Variants in SLC20A1 observed in about 807,000 individuals in gnomAD.
SLC20A1 encodes sodium-dependent phosphate transporter 1.
A neutral mutation model predicts 62.7 loss-of-function variants in SLC20A1; 28 were observed. The ratio of observed to expected loss-of-function variants is 0.45; its 90% CI spans 0.33 to 0.61. SLC20A1 has a LOEUF of 0.61. Among genes scored for constraint, SLC20A1 ranks in the 20% least tolerant of loss-of-function variants. The pLI is 0.02. For synonymous variants in SLC20A1, 305 were observed against 302.9 expected (o/e 1.01, Z -0.07); for missense variants, 673 against 838.6 (o/e 0.80, Z 2.44).
rs1686800163 is a variant in SLC20A1, at chr2:112,663,293, A to G, written c.*268A>G. On this transcript the variant is annotated 3_prime_UTR_variant, in exon 11 of 11. Coordinates refer to ENST00000272542, the MANE Select transcript of SLC20A1 (RefSeq NM_005415.5). ...TGTGAATTCCTGTACATATTTCTCT[A>G]CTTTTTGTATCAGGCTTCAATTCCA... 5 of 476,484 alleles carry G rather than the reference A, an allele frequency of 1.0e-5. No individual in the cohort carries two copies. Among genetic ancestry groups the G allele is most frequent in the South Asian group, 5.4e-5 (3 of 55,666 alleles). 29.5% of individuals were successfully genotyped at this position (476,484 alleles called of 1,614,324 possible).
intron 4 of SLC20A1, among the ~76,000 whole-genome samples, chr2:112,649,965 A>G (rs964104824): frequency 6.6e-6 from 1 of 152,194 alleles, no homozygotes; most frequent in African/African-American, 2.4e-5. Flanking sequence ...GGATCTCTAC[A>G]ATGATGAGAC....
chr2:112,653,878 T>C (rs921919790), intron 5 of SLC20A1, among the ~76,000 whole-genome samples: 1 of 152,122 alleles, frequency 6.6e-6, no homozygotes, highest in Non-Finnish European at 1.5e-5. Flanking sequence ...CCACAACCTC[T>C]ACCTCCCGGG....
At position 112,646,861 on chromosome 2, in the gene SLC20A1, T is replaced by C. The variant is rs1322627547; in HGVS notation, c.33T>C (p.Ala11=). 6.2e-7 allele frequency: 1 copy of C among 1,613,398 alleles called. No homozygotes were observed. The highest frequency in any genetic ancestry group is 8.5e-7 in the Non-Finnish European group (1 of 1,179,468). Residue 11 remains alanine, a synonymous_variant, in exon 2 of 11, where the codon GCT becomes GCC. Coordinates refer to ENST00000272542, the MANE Select transcript of SLC20A1 (RefSeq NM_005415.5). MATLITSTTA[A]TAASGPLVDY... ...CGCTGATTACCAGTACTACAGCTGC[T>C]ACCGCCGCTTCTGGTCCTTTGGTGG...
intron 5 of SLC20A1, chr2:112,653,047 A>T: frequency 1.2e-6 from 1 of 823,594 alleles, no homozygotes; most frequent in Non-Finnish European, 1.9e-6. Context: ...GGATCCACTG[A>T]TAATATGATC....
At position 112,659,230 on chromosome 2, in the gene SLC20A1, C is replaced by T. The variant is rs769977611; in HGVS notation, c.1075C>T (p.Leu359Phe). The T allele has an allele frequency of 6.2e-7, 1 of 1,613,996 alleles. No individual in the cohort carries two copies. Among genetic ancestry groups the T allele is most frequent in the East Asian group, 2.2e-5 (1 of 44,878 alleles). ...NGAVQLPNGN[L>F]VQFSQAVSNQ... ...TGCAGTGCAGTTGCCTAATGGGAACCTTGTCCAGTTCAGTCAAGCCGTCAG... is the reference window on the plus strand; with the variant it reads ...TGCAGTGCAGTTGCCTAATGGGAACTTTGTCCAGTTCAGTCAAGCCGTCAG... The change falls in exon 8 of 11, where the codon CTT becomes TTT. Residue 359 changes from leucine (L) to phenylalanine (F), a missense_variant. Coordinates refer to ENST00000272542, the MANE Select transcript of SLC20A1 (RefSeq NM_005415.5).
chr2:112,651,153 T>C (rs564866494), intron 4 of SLC20A1, among the ~76,000 whole-genome samples: 1 of 152,204 alleles, frequency 6.6e-6, no homozygotes, highest in Non-Finnish European at 1.5e-5. Context: ...TTTCAATGAG[T>C]GCTCATCTCT....
At chr2:112,649,992 T>C (rs1686391915) in intron 4 of SLC20A1, among the ~76,000 whole-genome samples, 1 of 152,208 alleles carries the variant, frequency 6.6e-6, no homozygotes, top group African/African-American at 2.4e-5. Flanking sequence ...TGTTTTACCT[T>C]CTTCCTAGAC....
chr2:112,660,987 A>G, intron 9 of SLC20A1, 155 bp from the exon 10 acceptor site: 1 of 528,752 alleles, frequency 1.9e-6, no homozygotes, highest in Non-Finnish European at 3.4e-6. Flanking sequence ...CCTGATTTAA[A>G]TAAAGTAGAT....
At position 112,655,763 on chromosome 2, in the gene SLC20A1, G is replaced by A. The variant is rs950994611; in HGVS notation, c.659-1359G>A. Among the ~76,000 whole-genome samples, 7 of 152,084 alleles carry A rather than the reference G, an allele frequency of 4.6e-5. No individual in the cohort carries two copies. The East Asian group carries it at 9.7e-4, about 21-fold the overall frequency. ...CAGGCTGGCTGGAGTGCAGTGGCAC[G>A]ATCTTGGCTCACTGCAACCTCGACC... On this transcript the variant is annotated intron_variant, in intron 5 of 10. Coordinates refer to ENST00000272542, the MANE Select transcript of SLC20A1 (RefSeq NM_005415.5).
At position 112,663,778 on chromosome 2, in the gene SLC20A1, A is replaced by G. The variant is rs1404207712; in HGVS notation, c.*753A>G. The stretch of plus-strand genomic sequence containing the variant: ...TTAAGTGGGACAGCCTTCCATGTTC[A>G]TTTGTCTACCTCTTAACTGAATAAA... On this transcript the variant is annotated 3_prime_UTR_variant, in exon 11 of 11. Coordinates refer to ENST00000272542, the MANE Select transcript of SLC20A1 (RefSeq NM_005415.5). 1.3e-5 allele frequency: 2 copies of G among 152,844 alleles called. No individual in the cohort carries two copies. The highest frequency in any genetic ancestry group is 2.9e-5 in the Non-Finnish European group (2 of 68,250). 9.5% of individuals were successfully genotyped at this position (152,844 alleles called of 1,614,324 possible).
Position 112,659,045 on chromosome 2 carries a change from T to C in SLC20A1, c.999T>C (p.Leu333=). 1 of 1,614,138 alleles carries C rather than the reference T, an allele frequency of 6.2e-7. No individual in the cohort carries two copies. The highest frequency in any genetic ancestry group is 8.5e-7 in the Non-Finnish European group (1 of 1,180,020). Residue 333 remains leucine (L), a synonymous_variant, in exon 7 of 11, where the codon CTT becomes CTC. Transcript: ENST00000272542. The part of the protein sequence containing the change: ...DLEEAPERER[L]PSVDLKEETS... The stretch of plus-strand genomic sequence containing the variant: ...AGGAAGCTCCAGAGAGAGAGAGGCT[T>C]CCCAGCGTGGACTTGAAAGAGGAAA...
chr2:112,658,043 C>T (rs1467054149), intron 6 of SLC20A1, among the ~76,000 whole-genome samples: 2 of 152,206 alleles, frequency 1.3e-5, no homozygotes, highest in Non-Finnish European at 1.5e-5. Flanking sequence ...GCTGCGTCAC[C>T]GCAGCTGAAC....
intron 5 of SLC20A1, 50 bp from the exon 6 acceptor site, chr2:112,657,072 C>T (rs1385141794): frequency 6.2e-7 from 1 of 1,611,750 alleles, no homozygotes; most frequent in East Asian, 2.2e-5. Flanking sequence ...CACAATATTG[C>T]AGGGGGCTGT....
chr2:112,647,051 G>T lies in SLC20A1; in HGVS notation c.223G>T (p.Val75Phe), dbSNP rs1335159740. Residue 75 changes from valine to phenylalanine, a missense_variant, in exon 2 of 11, where the codon GTC becomes TTC. Transcript: ENST00000272542. ...TAGCATCTTTGAAACAGTGGGCTCTGTCTTACTGGGGGCCAAAGTGAGCGA... is the reference window on the plus strand; with the variant it reads ...TAGCATCTTTGAAACAGTGGGCTCTTTCTTACTGGGGGCCAAAGTGAGCGA... Reference protein sequence around the residue: ...LASIFETVGSVLLGAKVSETI... With the variant: ...LASIFETVGSFLLGAKVSETI... The T allele has an allele frequency of 6.2e-7, 1 of 1,614,182 alleles. No homozygotes were observed. Among genetic ancestry groups the T allele is most frequent in the Admixed American group, 1.7e-5 (1 of 60,024 alleles).
At chr2:112,651,455 G>C (rs762963910) in intron 4 of SLC20A1, among the ~76,000 whole-genome samples, 36 of 151,788 alleles carry the variant, frequency 2.4e-4, no homozygotes, top group Non-Finnish European at 4.3e-4. Flanking sequence ...CCAGGCTGGA[G>C]TGAGGTGGCC....
intron 5 of SLC20A1, among the ~76,000 whole-genome samples, chr2:112,656,363 A>AT (rs981621743): frequency 5.3e-5 from 8 of 150,130 alleles, no homozygotes; most frequent in East Asian, 2.0e-4. Context: ...TGCCCGGCTA[A>AT]TTTTTTTTTG....
intron 1 of SLC20A1, among the ~76,000 whole-genome samples, 162 bp from the exon 2 acceptor site, chr2:112,646,401 C>T (rs1021011851): frequency 6.6e-6 from 1 of 151,974 alleles, no homozygotes; most frequent in Non-Finnish European, 1.5e-5. Context: ...CCGCGGAGGA[C>T]CCGGAGCCAC....
intron 10 of SLC20A1, among the ~76,000 whole-genome samples, chr2:112,662,504 C>T (rs1686778230): frequency 6.6e-6 from 1 of 152,206 alleles, no homozygotes. Flanking sequence ...CACATGAAAC[C>T]AGGAGGTGGA....
At chr2:112,650,728 A>G (rs898422269) in intron 4 of SLC20A1, among the ~76,000 whole-genome samples, 2 of 151,814 alleles carry the variant, frequency 1.3e-5, no homozygotes, top group African/African-American at 4.8e-5. Context: ...GGCTCAAGTG[A>G]TCCTCCTGCC....
Sources: allele counts gnomAD v4.1 joint callset (sites outside exome capture counted in the v4.1 genomes callset), GRCh38; gene constraint gnomAD v4.1.1; transcripts MANE v1.5; gene names NCBI Gene and HGNC (gene_info 2026-07-23, HGNC 2026-07-21).